Variants in WSCD2 observed in about 807,000 individuals in gnomAD.
The protein encoded by WSCD2 is sialate:O-sulfotransferase 2.
WSCD2 carries 28 observed loss-of-function variants against 55.7 expected under a neutral mutation model. The observed-to-expected ratio is 0.50, with a 90% CI of 0.37 to 0.69. WSCD2 has a LOEUF of 0.69. Among genes scored for constraint, WSCD2 ranks in the 30% least tolerant of loss-of-function variants. The pLI is 0.00. For missense variants in WSCD2, 616 were observed against 762.1 expected (o/e 0.81, Z 2.26); for synonymous variants, 301 against 301.9 (o/e 1.00, Z 0.03).
chr12:108,147,483 G>A (rs1877515336), intron 1 of WSCD2, among the ~76,000 whole-genome samples: 1 of 152,118 alleles, frequency 6.6e-6, no homozygotes, highest in Non-Finnish European at 1.5e-5. Context: ...GTAGGGAACA[G>A]GGGAGGGATT....
chr12:108,216,463 T>TA (rs1182221739), intron 4 of WSCD2, among the ~76,000 whole-genome samples: 9 of 152,218 alleles, frequency 5.9e-5, no homozygotes, highest in African/African-American at 2.2e-4. Context: ...ACCATTCACA[T>TA]AGACTATGAG....
At chr12:108,133,083 C>A (rs1252770440) in intron 1 of WSCD2, among the ~76,000 whole-genome samples, 1 of 152,060 alleles carries the variant, frequency 6.6e-6, no homozygotes, top group African/African-American at 2.4e-5. Flanking sequence ...GGGTGTGTGA[C>A]TGTGTGTATT....
At chr12:108,246,129 G>A (rs748466295) in intron 8 of WSCD2, among the ~76,000 whole-genome samples, 1 of 152,258 alleles carries the variant, frequency 6.6e-6, no homozygotes. Flanking sequence ...TGATCTGGAC[G>A]GTCCTTCCTG....
intron 7 of WSCD2, 120 bp from the exon 8 acceptor site, chr12:108,240,224 T>C: frequency 7.9e-7 from 1 of 1,267,434 alleles, no homozygotes. Context: ...GCTCAATAAA[T>C]ACGCGAATGA....
chr12:108,198,522 G>A (rs1446104701), intron 2 of WSCD2, among the ~76,000 whole-genome samples: 2 of 152,186 alleles, frequency 1.3e-5, no homozygotes, highest in Non-Finnish European at 2.9e-5. Flanking sequence ...TCCTTATGGT[G>A]TAGGTGATAC....
At chr12:108,169,333 C>A (rs530502209) in intron 1 of WSCD2, among the ~76,000 whole-genome samples, 1 of 152,162 alleles carries the variant, frequency 6.6e-6, no homozygotes, top group South Asian at 2.1e-4. Flanking sequence ...ACCAATCCCC[C>A]CCACCCCCTG....
intron 4 of WSCD2, among the ~76,000 whole-genome samples, chr12:108,216,085 T>C (rs928933215): frequency 2.6e-5 from 4 of 152,198 alleles, no homozygotes; most frequent in Non-Finnish European, 4.4e-5. Context: ...TGGGGGTCTA[T>C]GGAGCCCAAC....
intron 8 of WSCD2, among the ~76,000 whole-genome samples, chr12:108,245,199 C>T (rs1889999660): frequency 6.6e-6 from 1 of 152,076 alleles, no homozygotes; most frequent in East Asian, 1.9e-4. Context: ...TGGGTTGGAA[C>T]TCTGCCTTCA....
At chr12:108,163,380 A>G (rs1879260696) in intron 1 of WSCD2, among the ~76,000 whole-genome samples, 1 of 152,106 alleles carries the variant, frequency 6.6e-6, no homozygotes, top group Non-Finnish European at 1.5e-5. Context: ...AAAAAAATAA[A>G]AATTAAAATT....
intron 8 of WSCD2, chr12:108,244,668 G>C: frequency 2.9e-6 from 2 of 693,700 alleles, no homozygotes; most frequent in Non-Finnish European, 5.3e-6. Context: ...TACCTCATGT[G>C]GGGAGGAGCT....
At chr12:108,194,818 A>C (rs1883678726) in intron 1 of WSCD2, among the ~76,000 whole-genome samples, 3 of 152,154 alleles carry the variant, frequency 2.0e-5, no homozygotes, top group Admixed American at 2.0e-4. Context: ...GCCTCACACA[A>C]AGTAGGTCTC....
intron 1 of WSCD2, chr12:108,149,949 AG>A (rs886115949): frequency 1.7e-4 from 26 of 152,332 alleles, no homozygotes; most frequent in Admixed American, 1.6e-3. Context: ...AAGGAAATGG[AG>A]GTCCAGTGAG....
chr12:108,170,482 C>T (rs537014795), intron 1 of WSCD2, among the ~76,000 whole-genome samples: 13 of 152,238 alleles, frequency 8.5e-5, no homozygotes, highest in South Asian at 2.1e-4. Flanking sequence ...AAAAATCTAT[C>T]GCCCAGTACT....
chr12:108,200,709 A>C (rs1043220424), intron 2 of WSCD2, among the ~76,000 whole-genome samples: 4 of 152,236 alleles, frequency 2.6e-5, no homozygotes, highest in African/African-American at 9.6e-5. Flanking sequence ...GACAATACTA[A>C]GAAAATTTAG....
Position 108,206,485 on chromosome 12 carries a change from TG to T in WSCD2, c.497+85del, listed in dbSNP as rs1267761346. The T allele has an allele frequency of 1.9e-5, 26 of 1,380,074 alleles. No homozygotes were observed. The East Asian group carries it at 5.7e-4, about 31-fold the overall frequency. 85.5% of individuals were successfully genotyped at this position (1,380,074 alleles called of 1,614,324 possible). On this transcript the variant is annotated intron_variant, in intron 3 of 8. Transcript: ENST00000547525. ...ACCTGTGGTATTCTTTGCCCTGCTA[TG>T]GGAGGGTGTGTTGAAGGGTGAGCAC... is the stretch of plus-strand genomic sequence containing the variant.
At chr12:108,135,786 T>C (rs1876134719) in intron 1 of WSCD2, among the ~76,000 whole-genome samples, 1 of 152,238 alleles carries the variant, frequency 6.6e-6, no homozygotes, top group African/African-American at 2.4e-5. Flanking sequence ...CAACAAACTA[T>C]GGCCCACAAG....
At chr12:108,194,700 AGAG>A (rs996449844) in intron 1 of WSCD2, among the ~76,000 whole-genome samples, 33 of 152,166 alleles carry the variant, frequency 2.2e-4, no homozygotes, top group African/African-American at 7.7e-4. Flanking sequence ...CTTCTTGGAT[AGAG>A]GAGAGGGGCT....
intron 3 of WSCD2, among the ~76,000 whole-genome samples, chr12:108,208,764 G>T (rs1459104244): frequency 6.6e-6 from 1 of 152,180 alleles, no homozygotes; most frequent in Non-Finnish European, 1.5e-5. Context: ...CCACTGCAGG[G>T]TGTCTATCAG....
At chr12:108,130,195 C>T (rs1373915650) in intron 1 of WSCD2, among the ~76,000 whole-genome samples, 1 of 152,204 alleles carries the variant, frequency 6.6e-6, no homozygotes, top group Non-Finnish European at 1.5e-5. Flanking sequence ...ATTCCTGTGC[C>T]CCCTACAGGC....
Sources: allele counts gnomAD v4.1 joint callset (sites outside exome capture counted in the v4.1 genomes callset), GRCh38; gene constraint gnomAD v4.1.1; transcripts MANE v1.5; gene names NCBI Gene and HGNC (gene_info 2026-07-23, HGNC 2026-07-21).